The following EPHA3 variants were observed in gnomAD, a reference collection of about 807,000 sequenced individuals.
EPHA3 encodes the protein EPH receptor A3.
Under a neutral mutation model 107.1 loss-of-function variants are expected in EPHA3, and 42 were observed. The observed-to-expected ratio is 0.39, with a 90% confidence interval of 0.31 to 0.51. EPHA3 has a LOEUF of 0.51. EPHA3 is among the 20% of genes least tolerant of loss of function. EPHA3 has a pLI of 0.78. For missense variants in EPHA3, 1,183 were observed against 1,211.2 expected (o/e 0.98, Z 0.35); for synonymous variants, 461 against 424.8 (o/e 1.09, Z -1.05).
At position 89,301,711 on chromosome 3, in the gene EPHA3, A is replaced by G. The variant is rs1393311406; in HGVS notation, c.815-39205A>G. Among the ~76,000 whole-genome samples the G allele has an allele frequency of 2.0e-5, 3 of 152,104 alleles. No homozygotes were observed. The East Asian group carries it at 5.8e-4, about 29-fold the overall frequency. On this transcript the variant is annotated intron_variant, in intron 3 of 16. Transcript: ENST00000336596. ...CAGAGGATACTTATTTGGAGTTGCAATCCTGACCTCTTTCACAAAATTGCA... is the reference window on the plus strand; with the variant it reads ...CAGAGGATACTTATTTGGAGTTGCAGTCCTGACCTCTTTCACAAAATTGCA...
chr3:89,328,610 T>G (rs778625245), intron 3 of EPHA3, among the ~76,000 whole-genome samples: 8 of 152,176 alleles, frequency 5.3e-5, no homozygotes, highest in Non-Finnish European at 7.4e-5. Flanking sequence ...TTTACATGAA[T>G]AAGAAGAAAT....
rs572196293 is a variant in EPHA3 at position 89,207,045 on chromosome 3, A to G, written c.154-2815A>G. Among the ~76,000 whole-genome samples the G allele has an allele frequency of 3.9e-5, 6 of 152,158 alleles. No individual in the cohort carries two copies. In the South Asian group the frequency reaches 1.2e-3, roughly 32 times the overall value. Reference sequence around the variant, plus strand: ...GTTTTTAAAATAAATAGTGCTGTTAACTTGTTTTGTTTGTAAGTTAATAGG... The same window carrying G: ...GTTTTTAAAATAAATAGTGCTGTTAGCTTGTTTTGTTTGTAAGTTAATAGG... On this transcript the variant is annotated intron_variant, in intron 2 of 16. Coordinates refer to ENST00000336596, the MANE Select transcript of EPHA3 (RefSeq NM_005233.6).
At chr3:89,342,858 T>TACAC (rs144807058) in intron 5 of EPHA3, among the ~76,000 whole-genome samples, 21,408 of 139,188 alleles carry the variant, frequency 0.15, 1,749 homozygotes, top group African/African-American at 0.22. Context: ...TTTTTACACA[T>TACAC]ACACACACAC....
intron 6 of EPHA3, among the ~76,000 whole-genome samples, chr3:89,396,867 G>A (rs1300847095): frequency 6.6e-6 from 1 of 152,146 alleles, no homozygotes; most frequent in Non-Finnish European, 1.5e-5. Flanking sequence ...ACAACCTTAT[G>A]GAAGTAGCAA....
intron 5 of EPHA3, among the ~76,000 whole-genome samples, chr3:89,369,093 T>C (rs1429355345): frequency 1.3e-5 from 2 of 150,260 alleles, no homozygotes; most frequent in African/African-American, 4.9e-5. Context: ...AAGAAGAATA[T>C]GAATTAGCAA....
At chr3:89,193,564 A>G (rs546764924) in intron 2 of EPHA3, among the ~76,000 whole-genome samples, 21 of 151,950 alleles carry the variant, frequency 1.4e-4, no homozygotes, top group Non-Finnish European at 2.4e-4. Flanking sequence ...ATAGTTTCAA[A>G]TAACTAGAAG....
chr3:89,344,058 C>T (rs539880666), intron 5 of EPHA3, among the ~76,000 whole-genome samples: 3 of 152,154 alleles, frequency 2.0e-5, no homozygotes, highest in South Asian at 2.1e-4. Flanking sequence ...TTTTCCGGAG[C>T]GCTATATTTC....
At chr3:89,195,618 A>G (rs1313633211) in intron 2 of EPHA3, among the ~76,000 whole-genome samples, 1 of 152,176 alleles carries the variant, frequency 6.6e-6, no homozygotes, top group Non-Finnish European at 1.5e-5. Flanking sequence ...TCCTACTCCT[A>G]AAATATTTCT....
intron 3 of EPHA3, among the ~76,000 whole-genome samples, chr3:89,320,938 CACTCCTGTGT>C (rs1245396282): frequency 2.0e-5 from 3 of 151,924 alleles, no homozygotes; most frequent in African/African-American, 7.2e-5. Flanking sequence ...ACTGAAAAGT[CACTCCTGTGT>C]GTATAGTAGG....
intron 5 of EPHA3, among the ~76,000 whole-genome samples, chr3:89,373,750 T>C (rs973233653): frequency 6.6e-6 from 1 of 151,900 alleles, no homozygotes; most frequent in Non-Finnish European, 1.5e-5. Context: ...TATTCAGAGA[T>C]GTATTTCACT....
intron 3 of EPHA3, among the ~76,000 whole-genome samples, chr3:89,238,357 G>A (rs1157657186): frequency 2.0e-5 from 3 of 152,068 alleles, no homozygotes; most frequent in Non-Finnish European, 4.4e-5. Context: ...TAGAGAATTT[G>A]GAGACTTAAA....
rs1379391947 is a variant in EPHA3 at position 89,383,883 on chromosome 3, C to T, written c.1307-11954C>T. ...CAGGATTGTCTCGATCTCCTGACCT[C>T]GAGATCTGCCCACCTCGGCCCCCCA... On this transcript the variant is annotated intron_variant, in intron 5 of 16. Coordinates refer to ENST00000336596, the MANE Select transcript of EPHA3 (RefSeq NM_005233.6). Among the ~76,000 whole-genome samples the T allele has an allele frequency of 8.6e-5, 13 of 151,822 alleles. No individual in the cohort carries two copies. The East Asian group carries it at 1.8e-3, about 20-fold the overall frequency.
At chr3:89,416,454 TTTTATTTTTAA>T (rs1248801830) in intron 10 of EPHA3, among the ~76,000 whole-genome samples, 2 of 151,426 alleles carry the variant, frequency 1.3e-5, no homozygotes, top group African/African-American at 4.8e-5. Flanking sequence ...TTCTTTTATT[TTTTATTTTTAA>T]TCTTTTTCTA....
chr3:89,107,898 G>A (rs1414194989), intron 1 of EPHA3, 62 bp downstream of exon 1: 15 of 1,519,422 alleles, frequency 9.9e-6, no homozygotes, highest in Non-Finnish European at 1.4e-5. Context: ...TTCAAAGCAC[G>A]TTCTCACCGA....
intron 2 of EPHA3, among the ~76,000 whole-genome samples, chr3:89,202,808 T>C (rs373530326): frequency 5.5e-4 from 84 of 152,244 alleles, no homozygotes; most frequent in African/African-American, 1.9e-3. Flanking sequence ...TTGAAAGTTA[T>C]TTCCCCACAC....
intron 5 of EPHA3, among the ~76,000 whole-genome samples, chr3:89,381,438 G>A (rs1295930308): frequency 3.9e-5 from 6 of 151,916 alleles, no homozygotes; most frequent in Admixed American, 3.3e-4. Context: ...AGGAGGCCGA[G>A]GTGGGCAGAT....
At chr3:89,307,981 A>C (rs1012132781) in intron 3 of EPHA3, among the ~76,000 whole-genome samples, 12 of 152,158 alleles carry the variant, frequency 7.9e-5, no homozygotes, top group Non-Finnish European at 1.0e-4. Flanking sequence ...AGCATCTAGA[A>C]ATTATTGCTA....
chr3:89,270,643 T>C (rs1051822207), intron 3 of EPHA3, among the ~76,000 whole-genome samples: 4 of 152,120 alleles, frequency 2.6e-5, no homozygotes, highest in African/African-American at 4.8e-5. Context: ...ATCAATCTTG[T>C]CTGTGCCCCA....
intron 11 of EPHA3, among the ~76,000 whole-genome samples, chr3:89,420,270 A>G (rs946321254): frequency 2.0e-5 from 3 of 151,498 alleles, no homozygotes; most frequent in African/African-American, 7.3e-5. Flanking sequence ...ACCAACAGAC[A>G]TATTTTTCAT....
Sources: gnomAD v4.1 joint callset for allele counts (sites outside exome capture counted in the v4.1 genomes callset) on GRCh38, gnomAD v4.1.1 for gene constraint, MANE v1.5 for transcripts, NCBI Gene and HGNC (gene_info 2026-07-23, HGNC 2026-07-21) for gene names.